Variants in NEURL1 observed in about 807,000 individuals in gnomAD.
The protein encoded by NEURL1 is E3 ubiquitin-protein ligase NEURL1.
In NEURL1, 26 loss-of-function variants were observed where a neutral mutation model predicts 41.2. The observed-to-expected ratio is 0.63, with a 90% CI of 0.46 to 0.87. The LOEUF (loss-of-function observed/expected upper bound fraction) is 0.87. Among genes scored for constraint, NEURL1 ranks in the 40% least tolerant of loss-of-function variants. The pLI, the probability that NEURL1 is intolerant of heterozygous loss-of-function variation, is 0.00. For missense variants in NEURL1, 761 were observed against 871.1 expected (o/e 0.87, Z 1.59); for synonymous variants, 400 against 402.3 (o/e 0.99, Z 0.07).
At chr10:103,534,674 G>T (rs2034653503) in intron 1 of NEURL1, among the ~76,000 whole-genome samples, 1 of 152,164 alleles carries the variant, frequency 6.6e-6, no homozygotes, top group African/African-American at 2.4e-5. Flanking sequence ...TTAGCCAAGG[G>T]TATCTCTCTT....
chr10:103,496,326 G>A (rs1282437840), intron 1 of NEURL1, among the ~76,000 whole-genome samples: 2 of 152,156 alleles, frequency 1.3e-5, no homozygotes, highest in Non-Finnish European at 2.9e-5. Context: ...TATTTGTGAA[G>A]AATAGTTGAT....
chr10:103,582,806 G>A (rs111340137), intron 3 of NEURL1, among the ~76,000 whole-genome samples: 3 of 152,318 alleles, frequency 2.0e-5, no homozygotes, highest in African/African-American at 7.2e-5. Flanking sequence ...GGAAGGGATC[G>A]GTCCATGGTG....
At chr10:103,540,694 C>T (rs533901194) in intron 1 of NEURL1, among the ~76,000 whole-genome samples, 4 of 152,294 alleles carry the variant, frequency 2.6e-5, no homozygotes, top group Non-Finnish European at 2.9e-5. Context: ...GAATCATTTT[C>T]GTTACCATAA....
intron 1 of NEURL1, among the ~76,000 whole-genome samples, chr10:103,554,625 A>G (rs1021748666): frequency 6.6e-6 from 1 of 152,166 alleles, no homozygotes; most frequent in African/African-American, 2.4e-5. Context: ...GACCATCATC[A>G]TCATCTTAGA....
chr10:103,502,602 A>G (rs1199259258), intron 1 of NEURL1, among the ~76,000 whole-genome samples: 1 of 152,228 alleles, frequency 6.6e-6, no homozygotes, highest in Non-Finnish European at 1.5e-5. Context: ...ATTGGGCATT[A>G]GGGTTTCAAT....
Position 103,525,206 on chromosome 10 carries a change from CTG to C in NEURL1, c.85+30738_85+30739del, listed in dbSNP as rs1348670030. Among the ~76,000 whole-genome samples the C allele has an allele frequency of 2.7e-5, 4 of 150,922 alleles. No individual in the cohort carries two copies. The East Asian group carries it at 7.8e-4, about 29-fold the overall frequency. On this transcript the variant is annotated intron_variant, in intron 1 of 5. Coordinates refer to ENST00000369780, the MANE Select transcript of NEURL1 (RefSeq NM_004210.5). The stretch of plus-strand genomic sequence containing the variant: ...TTTGTAGTTATTGTAAATGGGATTG[CTG>C]TGTTTCTTTTTCTGCTAGTTTGTTG...
Position 103,590,614 on chromosome 10 carries a change from C to G in NEURL1, c.*242C>G. Reference sequence around the variant, plus strand: ...AGGAGGCCGCACTCTCCCTGTCTCTCCCGTCTCTGCACCCAGCTCCTCTCT... The same window carrying G: ...AGGAGGCCGCACTCTCCCTGTCTCTGCCGTCTCTGCACCCAGCTCCTCTCT... On this transcript the variant is annotated 3_prime_UTR_variant, in exon 6 of 6. Transcript: ENST00000369780. 1.8e-6 allele frequency: 1 copy of G among 557,810 alleles called. No individual in the cohort carries two copies. The allele number at this position is 557,810 out of a possible 1,614,324, so 34.6% of individuals were successfully genotyped here.
intron 3 of NEURL1, among the ~76,000 whole-genome samples, chr10:103,576,183 T>C (rs2035658754): frequency 6.6e-6 from 1 of 152,190 alleles, no homozygotes; most frequent in Non-Finnish European, 1.5e-5. Context: ...AGAGTAAAAC[T>C]GTGTGTATGT....
At chr10:103,574,324 C>T (rs74154547) in intron 3 of NEURL1, among the ~76,000 whole-genome samples, 4,262 of 152,202 alleles carry the variant, frequency 0.028, 68 homozygotes, top group African/African-American at 0.048. Flanking sequence ...TTCCATCTGC[C>T]GAGATGGTTT....
chr10:103,569,641 C>G (rs957793287), intron 1 of NEURL1, among the ~76,000 whole-genome samples: 2 of 152,246 alleles, frequency 1.3e-5, no homozygotes, highest in African/African-American at 4.8e-5. Context: ...TTCCAGGCAG[C>G]CTTTCCAGAC....
At chr10:103,515,371 G>A (rs1367360678) in intron 1 of NEURL1, 1 of 152,194 alleles carries the variant, frequency 6.6e-6, no homozygotes, top group African/African-American at 2.4e-5. Context: ...GCACAGCTGG[G>A]ACGTAGGAGG....
rs1210634240 is a variant in NEURL1, at chr10:103,590,914, G to C, written c.*542G>C. On this transcript the variant is annotated 3_prime_UTR_variant, in exon 6 of 6. Transcript: ENST00000369780. ...CTGGGCAGGCCGCTCCTGAGCTGCTGTCTCCCTCTCTGACCTATGCCTACC... is the reference window on the plus strand; with the variant it reads ...CTGGGCAGGCCGCTCCTGAGCTGCTCTCTCCCTCTCTGACCTATGCCTACC... The C allele has an allele frequency of 6.5e-6, 1 of 154,782 alleles. No individual in the cohort carries two copies. Among genetic ancestry groups the C allele is most frequent in the African/African-American group, 2.4e-5 (1 of 41,474 alleles). The allele number at this position is 154,782 out of a possible 1,614,324, so 9.6% of individuals were successfully genotyped here.
intron 1 of NEURL1, among the ~76,000 whole-genome samples, chr10:103,518,698 G>A (rs2034273454): frequency 6.6e-6 from 1 of 152,088 alleles, no homozygotes; most frequent in Non-Finnish European, 1.5e-5. Flanking sequence ...GGTATCTTGG[G>A]GAACAACTCT....
At chr10:103,503,787 G>GCT (rs2033879672) in intron 1 of NEURL1, among the ~76,000 whole-genome samples, 1 of 69,092 alleles carries the variant, frequency 1.4e-5, no homozygotes, top group African/African-American at 4.8e-5. Context: ...GCTCCCCCTG[G>GCT]CTTTTTTTTT....
chr10:103,523,867 T>A (rs79527121), intron 1 of NEURL1, among the ~76,000 whole-genome samples: 338 of 152,352 alleles, frequency 2.2e-3, no homozygotes, highest in African/African-American at 7.8e-3. Flanking sequence ...TAGGTTGATT[T>A]CATATCTTGG....
intron 1 of NEURL1, among the ~76,000 whole-genome samples, 162 bp from the exon 2 acceptor site, chr10:103,570,710 A>G (rs1004141663): frequency 1.3e-5 from 2 of 151,768 alleles, no homozygotes; most frequent in African/African-American, 4.8e-5. Context: ...AGATGGTGAG[A>G]GATGGTGGCA....
Position 103,584,889 on chromosome 10 carries a change from G to A in NEURL1, c.1003G>A (p.Ala335Thr), listed in dbSNP as rs1397270257. The A allele has an allele frequency of 1.4e-6, 2 of 1,452,194 alleles. No individual in the cohort carries two copies. The highest frequency in any genetic ancestry group is 2.9e-5 in the East Asian group (1 of 34,186). The allele number at this position is 1,452,194 out of a possible 1,614,324, so 90.0% of individuals were successfully genotyped here. Residue 335 changes from alanine (A) to threonine (T), a missense_variant, in exon 4 of 6, where the codon GCC becomes ACC. Transcript: ENST00000369780. ...CTTCACCAGCCGGCCCGTGCGCGTG[G>A]CCGAGACCATCTTCGTCAAGGTCAC... ...LVFTSRPVRV[A>T]ETIFVKVTRS...
rs201183021 is a variant in NEURL1 at position 103,592,052 on chromosome 10, G to GTT, written c.*1688_*1689dup. ...CCCCCTCAGATGGCTTTTTGTTTTT[G>GTT]TTTTTTTTTGCATCCATCAGAGACT... On this transcript the variant is annotated 3_prime_UTR_variant, in exon 6 of 6. Transcript: ENST00000369780. This position sits in a 1 kb window ranked among gnomAD's most constrained non-coding sequence, Gnocchi z 4.8. The GTT allele has an allele frequency of 6.6e-6, 1 of 151,080 alleles. No individual in the cohort carries two copies. Among genetic ancestry groups the GTT allele is most frequent in the Non-Finnish European group, 1.5e-5 (1 of 67,770 alleles). The allele number at this position is 151,080 out of a possible 1,614,324, so 9.4% of individuals were successfully genotyped here.
chr10:103,584,300 T>G (rs932129633), intron 3 of NEURL1, among the ~76,000 whole-genome samples: 2 of 152,242 alleles, frequency 1.3e-5, no homozygotes, highest in African/African-American at 4.8e-5. Flanking sequence ...CTGTGAGCAT[T>G]TGGAAGCATC....
Sources: allele counts gnomAD v4.1 joint callset (sites outside exome capture counted in the v4.1 genomes callset), GRCh38; gene constraint gnomAD v4.1.1; non-coding constraint Gnocchi (gnomAD v3.1); transcripts MANE v1.5; gene names NCBI Gene and HGNC (gene_info 2026-07-23, HGNC 2026-07-21).